PTPRD: variants seen among roughly 807,000 people sequenced by gnomAD.
PTPRD encodes receptor-type tyrosine-protein phosphatase delta.
PTPRD carries 34 observed loss-of-function variants against 214.5 expected under a neutral mutation model. The observed-to-expected ratio is 0.16, with a 90% CI of 0.12 to 0.21. The LOEUF (loss-of-function observed/expected upper bound fraction) is 0.21, where lower values mean the gene tolerates loss of function less well. Ranked by LOEUF, PTPRD falls within the 10% of genes least tolerant of loss-of-function variation. The probability of loss-of-function intolerance (pLI) is 1.00; values close to 1 mark genes in which losing one functional copy is unlikely to be tolerated. For synonymous variants in PTPRD, 1,128 were observed against 845.7 expected (o/e 1.33, Z -5.79); for missense variants, 2,545 against 2,398.7 (o/e 1.06, Z -1.27).
In PTPRD at chr9:8,517,864, G is replaced by C. The variant is rs745836771; in HGVS notation, c.1527C>G (p.Val509=). Reference sequence around the variant, plus strand: ...CAAACTTACCTCCTGTCTGAGTGATGACTTGTATGTCACTTGAAAGGGGAC... The same window carrying C: ...CAAACTTACCTCCTGTCTGAGTGATCACTTGTATGTCACTTGAAAGGGGAC... The part of the protein sequence containing the change: ...GDGPLSSDIQ[V]ITQTGVPGQP... The change falls in exon 21 of 46, where the codon GTC becomes GTG. Residue 509 remains valine (V), a synonymous_variant. Coordinates refer to ENST00000381196, the MANE Select transcript of PTPRD (RefSeq NM_002839.4). 6.2e-7 allele frequency: 1 copy of C among 1,613,330 alleles called. No individual in the cohort carries two copies. The highest frequency in any genetic ancestry group is 1.7e-5 in the Admixed American group (1 of 59,980).
intron 10 of PTPRD, among the ~76,000 whole-genome samples, chr9:9,132,527 T>A (rs1403510804): frequency 6.6e-6 from 1 of 152,084 alleles, no homozygotes; most frequent in Non-Finnish European, 1.5e-5. Context: ...TTTTAGACAA[T>A]GGAGCTGGAA....
chr9:9,846,565 C>G (rs2153654490), intron 5 of PTPRD, among the ~76,000 whole-genome samples: 1 of 152,208 alleles, frequency 6.6e-6, no homozygotes, highest in East Asian at 1.9e-4. Flanking sequence ...TCATGGGTAT[C>G]AAAACATGGT....
chr9:9,057,712 A>G (rs1161064769), intron 10 of PTPRD, among the ~76,000 whole-genome samples: 2 of 152,190 alleles, frequency 1.3e-5, no homozygotes, highest in African/African-American at 4.8e-5. Flanking sequence ...AAAGCTGCTG[A>G]GAATGTAGAA....
chr9:9,556,999 C>T (rs1015946206), intron 8 of PTPRD, among the ~76,000 whole-genome samples: 2 of 152,128 alleles, frequency 1.3e-5, no homozygotes, highest in African/African-American at 4.8e-5. Context: ...AACTTATCCC[C>T]CTGAGACTCA....
chr9:9,155,852 C>G (rs754188355), intron 10 of PTPRD, among the ~76,000 whole-genome samples: 1 of 152,150 alleles, frequency 6.6e-6, no homozygotes, highest in Non-Finnish European at 1.5e-5. Context: ...TCAGAACACT[C>G]TAAAATTTGA....
chr9:9,010,926 A>G (rs187373689), intron 11 of PTPRD, among the ~76,000 whole-genome samples: 3 of 152,292 alleles, frequency 2.0e-5, no homozygotes, highest in African/African-American at 7.2e-5. Context: ...CGTCCTCACG[A>G]AAGTATGAAT....
At chr9:9,055,458 C>T (rs903613392) in intron 10 of PTPRD, among the ~76,000 whole-genome samples, 1 of 152,036 alleles carries the variant, frequency 6.6e-6, no homozygotes, top group East Asian at 1.9e-4. Context: ...CAGTCTCATC[C>T]AAAAGTGCCC....
intron 3 of PTPRD, among the ~76,000 whole-genome samples, chr9:10,182,297 G>GAAAAAAAAAA (rs2099301644): frequency 7.2e-6 from 1 of 138,232 alleles, no homozygotes; most frequent in African/African-American, 2.9e-5. Context: ...AAAAAGAAAG[G>GAAAAAAAAAA]AATGCATTTA....
At chr9:9,667,020 C>G (rs1383014541) in intron 7 of PTPRD, among the ~76,000 whole-genome samples, 1 of 151,924 alleles carries the variant, frequency 6.6e-6, no homozygotes, top group Non-Finnish European at 1.5e-5. Flanking sequence ...TACTTGGTTA[C>G]CCTCAAAGTG....
chr9:8,548,052 G>A (rs1279016767), intron 14 of PTPRD, among the ~76,000 whole-genome samples: 1 of 152,140 alleles, frequency 6.6e-6, no homozygotes, highest in African/African-American at 2.4e-5. Context: ...GGGAGCACAG[G>A]GGTGAATAAC....
At chr9:8,647,645 C>T (rs1048999302) in intron 12 of PTPRD, among the ~76,000 whole-genome samples, 2 of 152,150 alleles carry the variant, frequency 1.3e-5, no homozygotes, top group African/African-American at 4.8e-5. Flanking sequence ...ATTACTCCTA[C>T]ATGTAAAATT....
At chr9:9,894,657 T>A (rs1323632742) in intron 5 of PTPRD, among the ~76,000 whole-genome samples, 4 of 152,076 alleles carry the variant, frequency 2.6e-5, no homozygotes, top group Non-Finnish European at 5.9e-5. Context: ...TCCTAAGAAC[T>A]TTCATAACAG....
intron 8 of PTPRD, among the ~76,000 whole-genome samples, chr9:9,517,994 A>G (rs146738424): frequency 2.0e-5 from 3 of 152,240 alleles, no homozygotes; most frequent in African/African-American, 7.2e-5. Flanking sequence ...TATTACTTTT[A>G]TACTCAATGC....
intron 4 of PTPRD, among the ~76,000 whole-genome samples, chr9:10,022,331 G>C (rs1589105735): frequency 7.8e-6 from 1 of 128,616 alleles, no homozygotes; most frequent in Non-Finnish European, 1.6e-5. Context: ...AAGGCAGTTT[G>C]GGTCTCATAT....
At chr9:9,915,845 G>A (rs2080598417) in intron 5 of PTPRD, among the ~76,000 whole-genome samples, 1 of 151,960 alleles carries the variant, frequency 6.6e-6, no homozygotes, top group East Asian at 1.9e-4. Context: ...TTAGAGGGAT[G>A]GACATCCAGA....
At chr9:9,584,245 A>T (rs1054029497) in intron 7 of PTPRD, among the ~76,000 whole-genome samples, 2 of 150,822 alleles carry the variant, frequency 1.3e-5, no homozygotes, top group African/African-American at 4.9e-5. Flanking sequence ...TCTCCCCTTA[A>T]TCTCCCCTCA....
At chr9:10,576,609 T>C (rs1038494400) in intron 2 of PTPRD, among the ~76,000 whole-genome samples, 3 of 152,148 alleles carry the variant, frequency 2.0e-5, no homozygotes, top group African/African-American at 7.2e-5. Flanking sequence ...TTTTCTTCCC[T>C]GCTAAACGAT....
chr9:9,671,566 A>G (rs1314743858), intron 7 of PTPRD, among the ~76,000 whole-genome samples: 1 of 152,056 alleles, frequency 6.6e-6, no homozygotes, highest in African/African-American at 2.4e-5. Context: ...TCTCTTCTTG[A>G]ATTGTACTCC....
intron 11 of PTPRD, among the ~76,000 whole-genome samples, chr9:8,932,630 C>G (rs2098960810): frequency 6.6e-6 from 1 of 152,164 alleles, no homozygotes; most frequent in Non-Finnish European, 1.5e-5. Flanking sequence ...TTGTGGTGGG[C>G]TCTGCCCAGT....
Sources: allele counts gnomAD v4.1 joint callset (sites outside exome capture counted in the v4.1 genomes callset), GRCh38; gene constraint gnomAD v4.1.1; transcripts MANE v1.5; gene names NCBI Gene and HGNC (gene_info 2026-07-23, HGNC 2026-07-21).